ABHD2: variants seen among roughly 807,000 people sequenced by gnomAD.
The protein encoded by ABHD2 is abhydrolase domain containing 2, acylglycerol lipase.
A neutral mutation model predicts 48.1 loss-of-function variants in ABHD2; 20 were observed. The ratio of observed to expected loss-of-function variants is 0.42; its 90% confidence interval spans 0.29 to 0.60. The LOEUF is 0.60. ABHD2 is among the 20% of genes least tolerant of loss of function. ABHD2 has a pLI of 0.24. For missense variants in ABHD2, 405 were observed against 550.9 expected, an observed-to-expected ratio of 0.74 and a Z score of 2.65; for synonymous variants, 209 against 214.2, an observed-to-expected ratio of 0.98 and a Z score of 0.21.
At chr15:89,181,518 T>C (rs2051114679) in intron 6 of ABHD2, among the ~76,000 whole-genome samples, 1 of 152,200 alleles carries the variant, frequency 6.6e-6, no homozygotes, top group South Asian at 2.1e-4. Context: ...TTGCCTTTTT[T>C]CCCTTTTTGG....
In ABHD2 at chr15:89,186,431, T is replaced by A. The variant is rs1267464917; in HGVS notation, c.815+915T>A. Among the ~76,000 whole-genome samples, 1 of 152,178 alleles carries A rather than the reference T, an allele frequency of 6.6e-6. No individual in the cohort carries two copies. The highest frequency in any genetic ancestry group is 6.5e-5 in the Admixed American group (1 of 15,274). On this transcript the variant is annotated intron_variant, in intron 7 of 10. Transcript: ENST00000352732. This position sits in a 1 kb window ranked among gnomAD's most constrained non-coding sequence, Gnocchi z 4.3. ...TCTGCCTCCTCCTCTACGCCTCTCA[T>A]TCCCTCTAGCTGGACTAGGCTACTT...
At chr15:89,042,472 T>C in the ABHD2 span, among the ~76,000 whole-genome samples, 1 of 152,154 alleles carries the variant, frequency 6.6e-6, no homozygotes, top group Non-Finnish European at 1.5e-5. Flanking sequence ...TTATCTCTTC[T>C]AAATCCTTAC....
intron 3 of ABHD2, among the ~76,000 whole-genome samples, chr15:89,148,867 T>C (rs2050542410): frequency 6.6e-6 from 1 of 152,388 alleles, no homozygotes; most frequent in South Asian, 2.1e-4. Context: ...AGTATTTATA[T>C]GTTTATATAA....
At chr15:89,103,617 AGAAT>A (rs2049735388) in intron 1 of ABHD2, among the ~76,000 whole-genome samples, 1 of 152,200 alleles carries the variant, frequency 6.6e-6, no homozygotes, top group African/African-American at 2.4e-5. Flanking sequence ...TGTACAGCAC[AGAAT>A]GTTCAGGGGG....
At chr15:89,159,990 T>C (rs559550145) in intron 5 of ABHD2, among the ~76,000 whole-genome samples, 1 of 152,322 alleles carries the variant, frequency 6.6e-6, no homozygotes, top group East Asian at 1.9e-4. Flanking sequence ...AATAGGACCT[T>C]AAAAAGGTCA....
chr15:89,139,108 G>A (rs932855723), intron 3 of ABHD2, among the ~76,000 whole-genome samples: 19 of 152,136 alleles, frequency 1.2e-4, no homozygotes, highest in African/African-American at 3.1e-4. Context: ...CTACTCAGGC[G>A]GCTGAGATGG....
chr15:89,181,457 G>A (rs1412991870), intron 6 of ABHD2, among the ~76,000 whole-genome samples: 2 of 151,816 alleles, frequency 1.3e-5, no homozygotes, highest in African/African-American at 2.4e-5. Context: ...TTTTAGTATC[G>A]TCTACATCCA....
the ABHD2 span, among the ~76,000 whole-genome samples, chr15:89,062,225 T>G: frequency 6.6e-6 from 1 of 151,470 alleles, no homozygotes; most frequent in South Asian, 2.1e-4. Context: ...AAAAGCAGAG[T>G]GTGTGAAGAA....
intron 9 of ABHD2, 51 bp from the exon 10 acceptor site, chr15:89,193,184 G>T (rs2150955232): frequency 1.3e-6 from 2 of 1,554,956 alleles, no homozygotes; most frequent in Non-Finnish European, 1.8e-6. Context: ...AATCGATGGG[G>T]TCTGAAAATG....
At chr15:89,158,316 G>A (rs533646252) in intron 5 of ABHD2, among the ~76,000 whole-genome samples, 10 of 152,328 alleles carry the variant, frequency 6.6e-5, no homozygotes, top group East Asian at 3.9e-4. Flanking sequence ...TCTGGCTGCC[G>A]GAATCATCTC....
upstream of ABHD2, among the ~76,000 whole-genome samples, chr15:89,083,997 C>T (rs1901317534): frequency 6.6e-6 from 1 of 152,186 alleles, no homozygotes; most frequent in Non-Finnish European, 1.5e-5. The surrounding 1 kb of genome is among the most constrained non-coding windows in gnomAD (Gnocchi z 5.1). Flanking sequence ...ATCCCTCAGA[C>T]TGCACCATGT....
chr15:89,114,348 C>T lies in ABHD2; in HGVS notation c.-7+524C>T, dbSNP rs556639078. Among the ~76,000 whole-genome samples the T allele has an allele frequency of 9.3e-4, 141 of 152,236 alleles. No individual in the cohort carries two copies. Among genetic ancestry groups the T allele is most frequent in the Non-Finnish European group, 5.3e-4 (36 of 68,012 alleles). On this transcript the variant is annotated intron_variant, in intron 2 of 10. Coordinates refer to ENST00000352732, the MANE Select transcript of ABHD2 (RefSeq NM_152924.5). The surrounding 1 kb of genome is among the most constrained non-coding windows in gnomAD (Gnocchi z 4.2). ...ACATGATTTCAGGGGGTTCTTAGAC[C>T]GCAGGATCCCACAGGGAACCCACAG...
chr15:89,118,120 T>C (rs2049990559), intron 3 of ABHD2, among the ~76,000 whole-genome samples: 1 of 152,214 alleles, frequency 6.6e-6, no homozygotes, highest in Admixed American at 6.5e-5. Flanking sequence ...GTAAAGGGTG[T>C]GCACGGTATA....
intron 9 of ABHD2, among the ~76,000 whole-genome samples, chr15:89,191,974 A>G (rs1200191828): frequency 6.6e-6 from 1 of 152,208 alleles, no homozygotes; most frequent in African/African-American, 2.4e-5. Flanking sequence ...TGCAACTTTT[A>G]GCAGCTACAA....
Position 89,193,474 on chromosome 15 carries a change from C to A in ABHD2, c.1081+155C>A, listed in dbSNP as rs578164577. On this transcript the variant is annotated intron_variant, in intron 10 of 10. Coordinates refer to ENST00000352732, the MANE Select transcript of ABHD2 (RefSeq NM_152924.5). The stretch of plus-strand genomic sequence containing the variant: ...TTCTTATTCTGTGTAGCCTGATAGT[C>A]CTCGGGCTGTGATGGGGCTTGGGCA... 9.0e-5 allele frequency: 59 copies of A among 657,620 alleles called. No homozygotes were observed. The African/African-American group carries it at 9.5e-4, about 11-fold the overall frequency. 40.7% of individuals were successfully genotyped at this position (657,620 alleles called of 1,614,324 possible).
chr15:89,105,222 T>G (rs928439722), intron 1 of ABHD2, among the ~76,000 whole-genome samples: 3 of 152,248 alleles, frequency 2.0e-5, no homozygotes, highest in African/African-American at 7.2e-5. Context: ...TTTCAGTATT[T>G]TAGTAAGGGC....
intron 5 of ABHD2, among the ~76,000 whole-genome samples, chr15:89,161,903 AGGGT>A (rs2050768179): frequency 6.6e-6 from 1 of 152,198 alleles, no homozygotes; most frequent in Admixed American, 6.5e-5. Flanking sequence ...GTCCCAGATC[AGGGT>A]GTCAGCAGGG....
intron 3 of ABHD2, among the ~76,000 whole-genome samples, chr15:89,139,792 G>A (rs954062304): frequency 1.3e-5 from 2 of 152,252 alleles, no homozygotes; most frequent in East Asian, 3.9e-4. Flanking sequence ...AGTAAGCAGA[G>A]TGGAGGGCCT....
chr15:89,079,810 G>A, the ABHD2 span, among the ~76,000 whole-genome samples: 3 of 152,310 alleles, frequency 2.0e-5, no homozygotes, highest in South Asian at 2.1e-4. The surrounding 1 kb of genome is among the most constrained non-coding windows in gnomAD (Gnocchi z 4.3). Context: ...TGATGGAAAA[G>A]TTACTCTAAG....
Sources: allele counts gnomAD v4.1 joint callset (sites outside exome capture counted in the v4.1 genomes callset), GRCh38; gene constraint gnomAD v4.1.1; non-coding constraint Gnocchi (gnomAD v3.1); transcripts MANE v1.5; gene names NCBI Gene and HGNC (gene_info 2026-07-23, HGNC 2026-07-21).